The following GABRB2 variants were observed in gnomAD, a reference collection of about 807,000 sequenced individuals.
The protein encoded by GABRB2 is gamma-aminobutyric acid type A receptor subunit beta2.
Under a neutral mutation model 54.7 loss-of-function variants are expected in GABRB2, and 16 were observed. That is an observed-to-expected ratio of 0.29 (90% CI 0.20 to 0.44). The LOEUF (loss-of-function observed/expected upper bound fraction) is 0.44. Among genes scored for constraint, GABRB2 ranks in the 20% least tolerant of loss-of-function variants. The pLI is 1.00. For missense variants in GABRB2, 355 were observed against 644.0 expected (o/e 0.55, Z 4.86); for synonymous variants, 244 against 233.8 (o/e 1.04, Z -0.40).
chr5:161,362,025 A>T (rs1380855863), intron 5 of GABRB2, among the ~76,000 whole-genome samples: 4 of 152,130 alleles, frequency 2.6e-5, no homozygotes, highest in Admixed American at 2.6e-4. Context: ...CTATTTATTA[A>T]ATAGGGAATC....
rs1409431535 is a variant in GABRB2, at chr5:161,294,173, C to T, written c.1447G>A (p.Asp483Asn). ...GACCACCGATCTATGGCATTCACAT[C>T]AGTCAAGTCAGGGATGGTGATTTTC... ...QLKITIPDLTDVNAIDRWSRI... is the reference protein window; with the variant it reads ...QLKITIPDLTNVNAIDRWSRI... Residue 483 changes from aspartate (D) to asparagine (N), a missense_variant, in exon 10 of 10, where the codon GAT becomes AAT. Coordinates refer to ENST00000393959, the MANE Select transcript of GABRB2 (RefSeq NM_001371727.1). The T allele has an allele frequency of 6.2e-7, 1 of 1,614,126 alleles. No homozygotes were observed. Among genetic ancestry groups the T allele is most frequent in the East Asian group, 2.2e-5 (1 of 44,880 alleles).
intron 3 of GABRB2, among the ~76,000 whole-genome samples, chr5:161,489,275 T>C (rs1416829126): frequency 6.6e-6 from 1 of 151,674 alleles, no homozygotes; most frequent in Non-Finnish European, 1.5e-5. Context: ...TATTTATGTA[T>C]ACAGCTTTTT....
chr5:161,476,589 C>A (rs574105814), intron 3 of GABRB2, among the ~76,000 whole-genome samples: 2 of 151,800 alleles, frequency 1.3e-5, no homozygotes, highest in South Asian at 4.2e-4. Context: ...GGCATAAACA[C>A]AAATGTATGG....
chr5:161,363,831 G>T (rs1754895712), intron 5 of GABRB2, among the ~76,000 whole-genome samples: 1 of 152,238 alleles, frequency 6.6e-6, no homozygotes, highest in African/African-American at 2.4e-5. Flanking sequence ...AACATAAATA[G>T]CTGGTGTTTC....
Position 161,545,213 on chromosome 5 carries a change from A to G in GABRB2, c.237+14T>C, listed in dbSNP as rs1405787996. The G allele has an allele frequency of 1.9e-6, 3 of 1,585,840 alleles. No homozygotes were observed. The highest frequency in any genetic ancestry group is 3.6e-5 in the Admixed American group (2 of 55,622). On this transcript the variant is annotated intron_variant, in intron 3 of 9. Transcript: ENST00000393959. ...AAAGTTTGCAAAGAAGTAGTCATAA[A>G]TGTCAATACTCACCATATTGACTTC...
intron 3 of GABRB2, among the ~76,000 whole-genome samples, chr5:161,543,546 TA>T (rs1471362344): frequency 1.3e-5 from 2 of 151,994 alleles, no homozygotes; most frequent in East Asian, 1.9e-4. Context: ...GAGAAGAGCA[TA>T]AAAAAAGCAA....
At chr5:161,504,082 A>G (rs1759529554) in intron 3 of GABRB2, among the ~76,000 whole-genome samples, 1 of 152,224 alleles carries the variant, frequency 6.6e-6, no homozygotes, top group South Asian at 2.1e-4. Context: ...AAAGGGAAAA[A>G]CAGAGAAAAA....
chr5:161,356,954 C>T (rs145396835), intron 5 of GABRB2, among the ~76,000 whole-genome samples: 5 of 152,280 alleles, frequency 3.3e-5, no homozygotes, highest in Admixed American at 1.3e-4. Context: ...CTGCACTTGG[C>T]ACTTATGGCA....
chr5:161,368,601 T>C (rs1306131575), intron 5 of GABRB2, among the ~76,000 whole-genome samples: 2 of 152,202 alleles, frequency 1.3e-5, no homozygotes, highest in Non-Finnish European at 2.9e-5. Context: ...GAGTAGAGGC[T>C]GCCTGTTCGA....
At chr5:161,399,974 T>C (rs1271076501) in intron 5 of GABRB2, among the ~76,000 whole-genome samples, 1 of 151,886 alleles carries the variant, frequency 6.6e-6, no homozygotes, top group Non-Finnish European at 1.5e-5. Flanking sequence ...GCAGTGGAGG[T>C]GTGAGCAGGG....
At chr5:161,539,324 C>T (rs1760741603) in intron 3 of GABRB2, among the ~76,000 whole-genome samples, 1 of 152,176 alleles carries the variant, frequency 6.6e-6, no homozygotes, top group South Asian at 2.1e-4. Flanking sequence ...CTAATTGAGA[C>T]CACATTCTTC....
At chr5:161,473,916 C>A (rs1758517937) in intron 3 of GABRB2, among the ~76,000 whole-genome samples, 1 of 151,888 alleles carries the variant, frequency 6.6e-6, no homozygotes, top group Non-Finnish European at 1.5e-5. Context: ...TTTCACCAGA[C>A]ATCAGTCTGG....
At chr5:161,528,654 G>A (rs988567341) in intron 3 of GABRB2, among the ~76,000 whole-genome samples, 1 of 151,578 alleles carries the variant, frequency 6.6e-6, no homozygotes, top group South Asian at 2.1e-4. Flanking sequence ...TTTAACCTAA[G>A]GATTGTTTGC....
intron 3 of GABRB2, among the ~76,000 whole-genome samples, chr5:161,478,146 C>A (rs920793768): frequency 6.6e-6 from 1 of 151,898 alleles, no homozygotes; most frequent in Admixed American, 6.6e-5. Context: ...CCATATTAAT[C>A]ACAAAGTCTC....
At chr5:161,394,852 T>G (rs1211144462) in intron 5 of GABRB2, among the ~76,000 whole-genome samples, 1 of 152,060 alleles carries the variant, frequency 6.6e-6, no homozygotes, top group African/African-American at 2.4e-5. Flanking sequence ...CACTCATATT[T>G]TGAGGCCAAC....
intron 7 of GABRB2, among the ~76,000 whole-genome samples, chr5:161,331,738 T>C (rs2113399123): frequency 6.6e-6 from 1 of 151,968 alleles, no homozygotes; most frequent in Non-Finnish European, 1.5e-5. Flanking sequence ...GAGAGCCTAA[T>C]GGGGGAGTTT....
Position 161,330,871 on chromosome 5 carries a change from C to G in GABRB2, c.1077+12G>C. ...GTTTAAGAAGCAAGGAGGGCTTGCC[C>G]TCTGAATTTACCTTGTTGACATCCA... On this transcript the variant is annotated intron_variant, in intron 8 of 9. Coordinates refer to ENST00000393959, the MANE Select transcript of GABRB2 (RefSeq NM_001371727.1). 1.2e-6 allele frequency: 2 copies of G among 1,614,158 alleles called. No individual in the cohort carries two copies. The highest frequency in any genetic ancestry group is 1.7e-6 in the Non-Finnish European group (2 of 1,180,002).
At chr5:161,304,059 G>A (rs2113350443) in intron 9 of GABRB2, among the ~76,000 whole-genome samples, 1 of 152,276 alleles carries the variant, frequency 6.6e-6, no homozygotes, top group Middle Eastern at 3.4e-3. Flanking sequence ...ATTACTGAGA[G>A]GGCTAGAGTA....
chr5:161,457,885 G>C (rs1758007063), intron 4 of GABRB2, among the ~76,000 whole-genome samples: 1 of 152,124 alleles, frequency 6.6e-6, no homozygotes, highest in Admixed American at 6.5e-5. Flanking sequence ...GGTATACAAA[G>C]GAGAATATGA....
Sources: allele counts gnomAD v4.1 joint callset (sites outside exome capture counted in the v4.1 genomes callset), GRCh38; gene constraint gnomAD v4.1.1; transcripts MANE v1.5; gene names NCBI Gene and HGNC (gene_info 2026-07-23, HGNC 2026-07-21).